MYO5C: variants seen among roughly 807,000 people sequenced by gnomAD.
MYO5C encodes unconventional myosin-Vc.
In MYO5C, 194 loss-of-function variants were observed where a neutral mutation model predicts 235.7. The observed-to-expected ratio is 0.82, with a 90% confidence interval of 0.73 to 0.93. MYO5C has a LOEUF of 0.93. Ranked by LOEUF, MYO5C falls within the 40% of genes least tolerant of loss-of-function variation. MYO5C has a pLI of 0.00. For synonymous variants in MYO5C, 707 were observed against 754.8 expected (o/e 0.94, Z 1.04); for missense variants, 2,038 against 2,127.2 (o/e 0.96, Z 0.82).
chr15:52,209,574 G>A (rs1447966297), intron 35 of MYO5C, among the ~76,000 whole-genome samples: 1 of 152,156 alleles, frequency 6.6e-6, no homozygotes, highest in Non-Finnish European at 1.5e-5. Context: ...TGAAGATGCT[G>A]GTGAGAAAGG....
Position 52,211,808 on chromosome 15 carries a change from G to A in MYO5C, c.4218C>T (p.Tyr1406=), listed in dbSNP as rs780500540. ...TGTTGGCATCATTCAGAGAGTCTGC[G>A]TAGCGCACACACATGAACAGGATAT... is the stretch of plus-strand genomic sequence containing the variant. ...PAHILFMCVR[Y]ADSLNDANML... Residue 1406 remains tyrosine, a synonymous_variant, in exon 35 of 41, where the codon TAC becomes TAT. Transcript: ENST00000261839. 12 of 1,614,060 alleles carry A rather than the reference G, an allele frequency of 7.4e-6. No homozygotes were observed. The highest frequency in any genetic ancestry group is 2.7e-5 in the African/African-American group (2 of 74,922).
Position 52,260,889 on chromosome 15 carries a change from G to T in MYO5C, c.1286C>A (p.Thr429Asn). ...ATAAATGTCCAAAACACCAATAAAA[G>T]TGTGCTGCTTGCCTGAAAACTGCAA... is the stretch of plus-strand genomic sequence containing the variant. Reference protein sequence around the residue: ...QALQFSGKQHTFIGVLDIYGF... With the variant: ...QALQFSGKQHNFIGVLDIYGF... Residue 429 changes from threonine (T) to asparagine (N), a missense_variant, in exon 10 of 41, where the codon ACT (threonine) becomes AAT (asparagine). By Grantham distance (65) the Thr-to-Asn change is moderately conservative. Transcript: ENST00000261839. The T allele has an allele frequency of 6.2e-7, 1 of 1,614,178 alleles. No homozygotes were observed. The highest frequency in any genetic ancestry group is 1.3e-5 in the African/African-American group (1 of 75,040).
chr15:52,271,855 A>C lies in MYO5C; in HGVS notation c.751-11T>G. The C allele has an allele frequency of 6.4e-7, 1 of 1,569,908 alleles. No homozygotes were observed. Among genetic ancestry groups the C allele is most frequent in the Non-Finnish European group, 8.7e-7 (1 of 1,146,944 alleles). On this transcript the variant is annotated splice_polypyrimidine_tract_variant and intron_variant, in intron 6 of 40. Transcript: ENST00000261839. The stretch of plus-strand genomic sequence containing the variant: ...TCGTTCATTTTCCGACTGTAAGATA[A>C]AGAAATGTCCTCAAAATTACACCAA...
chr15:52,270,630 ATGTG>A (rs778052612), intron 7 of MYO5C, among the ~76,000 whole-genome samples: 3 of 150,112 alleles, frequency 2.0e-5, no homozygotes, highest in Non-Finnish European at 4.4e-5. Context: ...ATATAAATGT[ATGTG>A]TATATATATA....
intron 24 of MYO5C, among the ~76,000 whole-genome samples, chr15:52,231,368 G>A (rs1277434135): frequency 1.3e-5 from 2 of 152,092 alleles, no homozygotes; most frequent in Non-Finnish European, 2.9e-5. Context: ...GACCCAGTTA[G>A]GATTGCAAAC....
intron 34 of MYO5C, among the ~76,000 whole-genome samples, chr15:52,212,828 T>C (rs894437756): frequency 6.6e-6 from 1 of 152,186 alleles, no homozygotes; most frequent in Non-Finnish European, 1.5e-5. Flanking sequence ...AATGAGGTGA[T>C]GTTTCTCTTC....
rs565942136 is a variant in MYO5C at position 52,240,809 on chromosome 15, GTTCAGGTTTTCAGC to G, written c.2557-944_2557-931del. Among the ~76,000 whole-genome samples, 9 of 152,244 alleles carry G rather than the reference GTTCAGGTTTTCAGC, an allele frequency of 5.9e-5. No homozygotes were observed. The East Asian group carries it at 1.7e-3, about 29-fold the overall frequency. ...AGAATGAAACCCCCCAAAATATACT[GTTCAGGTTTTCAGC>G]TTTAAAGTATCTTTGGACAACTTTA... On this transcript the variant is annotated intron_variant, in intron 20 of 40. Transcript: ENST00000261839.
intron 34 of MYO5C, 46 bp downstream of exon 34, chr15:52,213,142 A>G (rs776877550): frequency 2.0e-5 from 30 of 1,471,766 alleles, no homozygotes; most frequent in South Asian, 1.8e-4. Context: ...CTGATATGCA[A>G]GTTCTCAAAG....
At chr15:52,291,731 G>GTTTTTTTTTTTGTTTTTTTTT (rs2037392525) in intron 1 of MYO5C, among the ~76,000 whole-genome samples, 2 of 52,564 alleles carry the variant, frequency 3.8e-5, no homozygotes, top group African/African-American at 1.7e-4. Context: ...CATATTTTAT[G>GTTTTTTTTTTTGTTTTTTTTT]TTTTTTTTTT....
intron 19 of MYO5C, chr15:52,242,598 C>T: frequency 6.0e-6 from 1 of 166,610 alleles, no homozygotes; most frequent in Non-Finnish European, 1.3e-5. Context: ...AAATAGTTAT[C>T]ATCTCGTCCT....
intron 8 of MYO5C, 104 bp downstream of exon 8, chr15:52,269,649 C>T: frequency 1.4e-6 from 1 of 730,434 alleles, no homozygotes; most frequent in Non-Finnish European, 2.3e-6. Flanking sequence ...CCTCAGCCTC[C>T]CAAAGTGTTG....
intron 40 of MYO5C, among the ~76,000 whole-genome samples, chr15:52,194,775 T>C (rs2035010379): frequency 6.6e-6 from 1 of 151,592 alleles, no homozygotes; most frequent in Non-Finnish European, 1.5e-5. Flanking sequence ...ATACGATATA[T>C]CATATATATC....
intron 13 of MYO5C, 166 bp downstream of exon 13, chr15:52,251,224 T>A: frequency 2.0e-6 from 1 of 510,388 alleles, no homozygotes; most frequent in Non-Finnish European, 3.2e-6. Flanking sequence ...TTGGAACTCA[T>A]GTATCTCGCC....
At chr15:52,282,978 T>C in intron 1 of MYO5C, 86 bp from the exon 2 acceptor site, 1 of 839,600 alleles carries the variant, frequency 1.2e-6, no homozygotes, top group Non-Finnish European at 2.0e-6. Context: ...GGTTTCTTTC[T>C]GTGCACTAGG....
chr15:52,195,216 T>G (rs1383871143), intron 40 of MYO5C, among the ~76,000 whole-genome samples, 161 bp downstream of exon 40: 1 of 152,182 alleles, frequency 6.6e-6, no homozygotes, highest in Non-Finnish European at 1.5e-5. Context: ...TCTGAAAATT[T>G]CACAGGAAAA....
chr15:52,218,306 C>T (rs997587320), intron 32 of MYO5C, among the ~76,000 whole-genome samples: 18 of 152,188 alleles, frequency 1.2e-4, no homozygotes, highest in African/African-American at 4.1e-4. Flanking sequence ...TGTCTCTCCT[C>T]CTTCACCCTC....
chr15:52,275,807 G>C, intron 4 of MYO5C, 89 bp from the exon 5 acceptor site: 7 of 1,257,782 alleles, frequency 5.6e-6, no homozygotes, highest in South Asian at 1.3e-5. Flanking sequence ...CAAGACAAAA[G>C]AGGGAAACTG....
At position 52,225,150 on chromosome 15, in the gene MYO5C, AG is replaced by A; in HGVS notation, c.3302-13del. 6.2e-7 allele frequency: 1 copy of A among 1,613,716 alleles called. No individual in the cohort carries two copies. Among genetic ancestry groups the A allele is most frequent in the Non-Finnish European group, 8.5e-7 (1 of 1,179,822 alleles). On this transcript the variant is annotated splice_polypyrimidine_tract_variant and intron_variant, in intron 26 of 40. Coordinates refer to ENST00000261839, the MANE Select transcript of MYO5C (RefSeq NM_018728.4). Reference sequence around the variant, plus strand: ...CTCTGACATCTTTTCTGAAAGGGAAAGGCAGAGTTGTATATATTACATTTGT... The same window carrying A: ...CTCTGACATCTTTTCTGAAAGGGAAAGCAGAGTTGTATATATTACATTTGT...
Position 52,263,141 on chromosome 15 carries a change from T to C in MYO5C, c.1047+1049A>G, listed in dbSNP as rs74015652. On this transcript the variant is annotated intron_variant, in intron 9 of 40. Coordinates refer to ENST00000261839, the MANE Select transcript of MYO5C (RefSeq NM_018728.4). ...ACGGTGAGGAAACAAATGTCTATTG[T>C]TTAAGCCACTCAGCCTGTGGCATTT... 5.6e-3 allele frequency among the ~76,000 whole-genome samples: 854 copies of C among 152,300 alleles called. 9 individuals are homozygous for C. Among genetic ancestry groups the C allele is most frequent in the African/African-American group, 0.02 (817 of 41,558 alleles).
Sources: allele counts gnomAD v4.1 joint callset (sites outside exome capture counted in the v4.1 genomes callset), GRCh38; gene constraint gnomAD v4.1.1; transcripts MANE v1.5; gene names NCBI Gene and HGNC (gene_info 2026-07-23, HGNC 2026-07-21).